The following CDH12 variants were observed in gnomAD, a reference collection of about 807,000 sequenced individuals.
CDH12 encodes the protein cadherin-12.
CDH12 carries 41 observed loss-of-function variants against 74.1 expected under a neutral mutation model. The observed-to-expected ratio is 0.55, with a 90% CI of 0.43 to 0.72. CDH12 has a LOEUF of 0.72. CDH12 is among the 30% of genes least tolerant of loss of function. The probability of loss-of-function intolerance (pLI) is 0.00; values close to 1 mark genes in which losing one functional copy is unlikely to be tolerated. For synonymous variants in CDH12, 399 were observed against 355.0 expected, an observed-to-expected ratio of 1.12 and a Z score of -1.39; for missense variants, 945 against 977.2, an observed-to-expected ratio of 0.97 and a Z score of 0.44.
chr5:21,903,904 CA>C (rs535399305), intron 6 of CDH12, among the ~76,000 whole-genome samples: 1 of 151,658 alleles, frequency 6.6e-6, no homozygotes, highest in African/African-American at 2.4e-5. Context: ...AAATGAGACA[CA>C]AAAAAAGCCA....
At chr5:22,649,308 G>A (rs576618482) in intron 1 of CDH12, among the ~76,000 whole-genome samples, 1 of 152,126 alleles carries the variant, frequency 6.6e-6, no homozygotes, top group Non-Finnish European at 1.5e-5. Flanking sequence ...TGAACTGTGT[G>A]AGCTAATGAA....
intron 1 of CDH12, among the ~76,000 whole-genome samples, chr5:22,699,133 G>A (rs149331932): frequency 6.6e-6 from 1 of 152,038 alleles, no homozygotes; most frequent in Non-Finnish European, 1.5e-5. Flanking sequence ...GTAACCAAAC[G>A]AGATGATTCA....
intron 2 of CDH12, among the ~76,000 whole-genome samples, chr5:22,423,019 C>A (rs1440619794): frequency 1.3e-5 from 2 of 151,942 alleles, no homozygotes; most frequent in African/African-American, 4.8e-5. Flanking sequence ...CCCAATTGTG[C>A]TATCAAATAC....
chr5:22,833,047 A>C (rs1405938868), intron 1 of CDH12, among the ~76,000 whole-genome samples: 1 of 152,176 alleles, frequency 6.6e-6, no homozygotes, highest in East Asian at 1.9e-4. Context: ...TGATGAATTT[A>C]AGTTTTGCAT....
At chr5:22,118,401 C>T (rs1232385174) in intron 4 of CDH12, among the ~76,000 whole-genome samples, 7 of 152,058 alleles carry the variant, frequency 4.6e-5, no homozygotes, top group Non-Finnish European at 1.0e-4. Flanking sequence ...GTCTCTAAAA[C>T]CACCATCTCA....
At chr5:22,457,421 C>CAT (rs1301042233) in intron 2 of CDH12, among the ~76,000 whole-genome samples, 4 of 149,002 alleles carry the variant, frequency 2.7e-5, no homozygotes, top group African/African-American at 5.0e-5. Flanking sequence ...TCCTCTTCTT[C>CAT]TTCATTTTTT....
intron 1 of CDH12, among the ~76,000 whole-genome samples, chr5:22,696,589 A>G (rs1478088944): frequency 2.0e-5 from 3 of 152,132 alleles, no homozygotes; most frequent in African/African-American, 7.2e-5. Context: ...AATTTTGTAC[A>G]TTCATCAGAA....
intron 3 of CDH12, among the ~76,000 whole-genome samples, chr5:22,269,781 G>C (rs1736299570): frequency 1.3e-5 from 2 of 152,056 alleles, no homozygotes. Context: ...TTTATATTAA[G>C]TCAAAAGTAA....
chr5:22,424,775 T>C (rs1743822716), intron 2 of CDH12, among the ~76,000 whole-genome samples: 1 of 152,116 alleles, frequency 6.6e-6, no homozygotes, highest in African/African-American at 2.4e-5. Flanking sequence ...CAGTATTCTT[T>C]TATATCTGTT....
chr5:21,793,875 A>G (rs887088815), intron 10 of CDH12, among the ~76,000 whole-genome samples: 1 of 151,042 alleles, frequency 6.6e-6, no homozygotes, highest in African/African-American at 2.4e-5. Flanking sequence ...ATTTTTCAAG[A>G]AGAGCATTTT....
intron 4 of CDH12, among the ~76,000 whole-genome samples, chr5:22,116,372 G>A (rs7349772): frequency 0.44 from 67,438 of 151,928 alleles, 15,237 homozygotes; most frequent in Middle Eastern, 0.51. Flanking sequence ...GAATCTGGCC[G>A]AGACGGGCGG....
intron 3 of CDH12, among the ~76,000 whole-genome samples, chr5:22,359,844 GA>G (rs1436755605): frequency 6.6e-6 from 1 of 152,068 alleles, no homozygotes; most frequent in Non-Finnish European, 1.5e-5. Flanking sequence ...GGTACGTAAC[GA>G]AATGAAGGCA....
At chr5:22,466,850 G>A (rs1042835657) in intron 2 of CDH12, among the ~76,000 whole-genome samples, 1 of 131,164 alleles carries the variant, frequency 7.6e-6, no homozygotes, top group African/African-American at 2.9e-5. Context: ...GTGCAATGGC[G>A]CAGTCTCGGC....
rs542602854 is a variant in CDH12, at chr5:21,852,848, G to A, written c.646+1823C>T. 9.9e-5 allele frequency among the ~76,000 whole-genome samples: 15 copies of A among 151,400 alleles called. No homozygotes were observed. In the South Asian group the frequency reaches 2.7e-3, roughly 27 times the overall value. Reference sequence around the variant, plus strand: ...TAAGCTGAAGGGATCTAAGAGAACAGCATTGTCCATACTTCCATTTCTGGT... The same window carrying A: ...TAAGCTGAAGGGATCTAAGAGAACAACATTGTCCATACTTCCATTTCTGGT... On this transcript the variant is annotated intron_variant, in intron 7 of 14. Transcript: ENST00000382254.
chr5:21,786,775 G>C (rs1351752093), intron 10 of CDH12, among the ~76,000 whole-genome samples: 1 of 152,170 alleles, frequency 6.6e-6, no homozygotes, highest in African/African-American at 2.4e-5. Flanking sequence ...TATCATTTTA[G>C]ATGCCATTAA....
chr5:21,795,140 G>A (rs1482140925), intron 10 of CDH12, among the ~76,000 whole-genome samples: 1 of 151,456 alleles, frequency 6.6e-6, no homozygotes, highest in Non-Finnish European at 1.5e-5. Flanking sequence ...AATCATCAAA[G>A]AAGCATCTGA....
chr5:21,895,180 T>C lies in CDH12; in HGVS notation c.527-40390A>G, dbSNP rs527796527. 2.2e-4 allele frequency among the ~76,000 whole-genome samples: 33 copies of C among 152,192 alleles called. 1 individual carries two copies. The South Asian group carries it at 5.8e-3, about 27-fold the overall frequency. On this transcript the variant is annotated intron_variant, in intron 6 of 14. Coordinates refer to ENST00000382254, the MANE Select transcript of CDH12 (RefSeq NM_004061.5). ...ACAGAGCTGGAGAGAAATGAGTAAA[T>C]GTGCAAGAAGCTTCCAAAGTGATTG...
At chr5:22,753,524 T>C (rs976126612) in intron 1 of CDH12, among the ~76,000 whole-genome samples, 1 of 147,302 alleles carries the variant, frequency 6.8e-6, no homozygotes, top group Non-Finnish European at 1.5e-5. Flanking sequence ...ACAAAGCCAC[T>C]GAAGCATTCT....
At chr5:21,893,110 C>T (rs1752966807) in intron 6 of CDH12, among the ~76,000 whole-genome samples, 2 of 152,136 alleles carry the variant, frequency 1.3e-5, no homozygotes, top group Admixed American at 1.3e-4. Flanking sequence ...ATCTTTTGAA[C>T]ATCAACATCT....
Sources: gnomAD v4.1 joint callset for allele counts (sites outside exome capture counted in the v4.1 genomes callset) on GRCh38, gnomAD v4.1.1 for gene constraint, MANE v1.5 for transcripts, NCBI Gene and HGNC (gene_info 2026-07-23, HGNC 2026-07-21) for gene names.